CTNNA3: variants seen among roughly 807,000 people sequenced by gnomAD.
CTNNA3 encodes the protein catenin alpha 3, also known as catenin alpha-3.
Under a neutral mutation model 95.7 loss-of-function variants are expected in CTNNA3, and 76 were observed. The ratio of observed to expected loss-of-function variants is 0.79; its 90% CI spans 0.66 to 0.96. The LOEUF (loss-of-function observed/expected upper bound fraction) is 0.96, where lower values mean the gene tolerates loss of function less well. Ranked by LOEUF, CTNNA3 falls within the 40% of genes least tolerant of loss-of-function variation. The pLI, the probability that CTNNA3 is intolerant of heterozygous loss-of-function variation, is 0.00. For synonymous variants in CTNNA3, 431 were observed against 374.4 expected (o/e 1.15, Z -1.74); for missense variants, 1,191 against 1,089.8 (o/e 1.09, Z -1.31).
At chr10:67,164,047 C>T (rs1391032110) in intron 7 of CTNNA3, among the ~76,000 whole-genome samples, 9 of 151,130 alleles carry the variant, frequency 6.0e-5, no homozygotes, top group Admixed American at 4.0e-4. Flanking sequence ...GTCAATTCTC[C>T]TAAATTGATA....
intron 17 of CTNNA3, among the ~76,000 whole-genome samples, chr10:65,938,786 T>G (rs113392887): frequency 1.9e-4 from 29 of 152,248 alleles, no homozygotes; most frequent in African/African-American, 6.7e-4. Flanking sequence ...GTGAGCCTAT[T>G]CGATCCCTTA....
At chr10:67,502,256 G>A (rs565544810) in intron 5 of CTNNA3, among the ~76,000 whole-genome samples, 1 of 152,090 alleles carries the variant, frequency 6.6e-6, no homozygotes, top group Non-Finnish European at 1.5e-5. Flanking sequence ...GTGTTTGCTG[G>A]GGGTCCACTC....
intron 10 of CTNNA3, among the ~76,000 whole-genome samples, chr10:66,560,457 G>A (rs746038307): frequency 2.0e-5 from 3 of 151,904 alleles, no homozygotes; most frequent in Non-Finnish European, 4.4e-5. Context: ...ATTTGTCTCT[G>A]TATCTTGCAA....
intron 3 of CTNNA3, among the ~76,000 whole-genome samples, chr10:67,591,757 G>C (rs541154164): frequency 1.3e-5 from 2 of 151,850 alleles, no homozygotes; most frequent in African/African-American, 4.8e-5. Context: ...AAGAAGAAAA[G>C]GGATATCTGA....
At chr10:67,292,653 T>G (rs1041181529) in intron 5 of CTNNA3, among the ~76,000 whole-genome samples, 1 of 152,202 alleles carries the variant, frequency 6.6e-6, no homozygotes, top group African/African-American at 2.4e-5. Context: ...AGAACAATTT[T>G]ATCAACGTTT....
intron 7 of CTNNA3, among the ~76,000 whole-genome samples, chr10:67,072,661 T>G (rs1015786984): frequency 3.3e-5 from 5 of 152,198 alleles, no homozygotes; most frequent in Non-Finnish European, 7.4e-5. Flanking sequence ...TGACACTCCC[T>G]GGATTTTGAT....
intron 15 of CTNNA3, among the ~76,000 whole-genome samples, chr10:66,002,272 G>A (rs1485807567): frequency 1.3e-5 from 2 of 152,106 alleles, no homozygotes; most frequent in Non-Finnish European, 2.9e-5. Flanking sequence ...TTCTCCCTCT[G>A]GGTGTTACTT....
intron 10 of CTNNA3, among the ~76,000 whole-genome samples, chr10:66,577,335 G>A (rs1843038051): frequency 6.6e-6 from 1 of 151,880 alleles, no homozygotes; most frequent in Non-Finnish European, 1.5e-5. Context: ...AGTTAATTAG[G>A]TCCTTCTTGT....
chr10:67,163,553 A>C (rs779132068), intron 7 of CTNNA3, among the ~76,000 whole-genome samples: 26 of 152,006 alleles, frequency 1.7e-4, no homozygotes, highest in Non-Finnish European at 3.5e-4. Context: ...TTCCCCCTAA[A>C]ATAGGCAACA....
intron 7 of CTNNA3, among the ~76,000 whole-genome samples, chr10:66,929,233 A>G (rs572961553): frequency 7.9e-5 from 12 of 152,354 alleles, no homozygotes; most frequent in Admixed American, 5.9e-4. Flanking sequence ...TATGTTTCAT[A>G]AATAAATAAA....
chr10:66,304,810 T>G (rs2091910510), intron 12 of CTNNA3, among the ~76,000 whole-genome samples: 1 of 152,130 alleles, frequency 6.6e-6, no homozygotes, highest in Admixed American at 6.6e-5. Context: ...GAACAGTGAT[T>G]AAGTAAGAGT....
At chr10:66,610,472 T>C (rs983898337) in intron 10 of CTNNA3, among the ~76,000 whole-genome samples, 1 of 151,920 alleles carries the variant, frequency 6.6e-6, no homozygotes, top group South Asian at 2.1e-4. Flanking sequence ...TTTAGACATG[T>C]TGGGGAAAAA....
chr10:67,528,280 A>G (rs891708553), intron 4 of CTNNA3, among the ~76,000 whole-genome samples: 2 of 151,942 alleles, frequency 1.3e-5, no homozygotes, highest in Admixed American at 6.6e-5. Flanking sequence ...TTTTTCTTTT[A>G]ATTCCATTTT....
intron 14 of CTNNA3, 91 bp downstream of exon 14, chr10:66,103,066 C>T: frequency 1.0e-6 from 1 of 1,003,718 alleles, no homozygotes; most frequent in Non-Finnish European, 1.6e-6. Context: ...TCCAGGAGTC[C>T]CACCCATTAG....
intron 14 of CTNNA3, among the ~76,000 whole-genome samples, chr10:66,083,277 T>G (rs1420766044): frequency 6.6e-6 from 1 of 152,156 alleles, no homozygotes; most frequent in Non-Finnish European, 1.5e-5. Context: ...ACATGCAACT[T>G]GTAATTTAGG....
chr10:66,647,161 T>C (rs1845734365), intron 9 of CTNNA3, among the ~76,000 whole-genome samples: 2 of 152,194 alleles, frequency 1.3e-5, no homozygotes, highest in African/African-American at 4.8e-5. Flanking sequence ...AAAGAATGAA[T>C]GGACATTGTA....
chr10:67,015,373 C>G (rs1852593980), intron 7 of CTNNA3: 1 of 152,098 alleles, frequency 6.6e-6, no homozygotes, highest in Non-Finnish European at 1.5e-5. Flanking sequence ...TAAAGAAGAG[C>G]TCCAGGGTTC....
chr10:67,349,467 C>T (rs1287401654), intron 5 of CTNNA3, among the ~76,000 whole-genome samples: 1 of 152,100 alleles, frequency 6.6e-6, no homozygotes, highest in Non-Finnish European at 1.5e-5. Flanking sequence ...ACAAATACTG[C>T]ATGATTCCAC....
At chr10:67,257,518 T>C (rs1866406063) in intron 5 of CTNNA3, among the ~76,000 whole-genome samples, 1 of 152,240 alleles carries the variant, frequency 6.6e-6, no homozygotes, top group Non-Finnish European at 1.5e-5. Flanking sequence ...TTGTGTTTCT[T>C]GGCTTGTGCT....
Sources: allele counts gnomAD v4.1 joint callset (sites outside exome capture counted in the v4.1 genomes callset), GRCh38; gene constraint gnomAD v4.1.1; transcripts MANE v1.5; gene names NCBI Gene and HGNC (gene_info 2026-07-23, HGNC 2026-07-21).